The following NALF1 variants were observed in gnomAD, a reference collection of about 807,000 sequenced individuals.
The protein encoded by NALF1 is NALCN channel auxiliary factor 1.
Under a neutral mutation model 48.4 loss-of-function variants are expected in NALF1, and 3 were observed. The observed-to-expected ratio is 0.06, with a 90% CI of 0.03 to 0.16. The LOEUF (loss-of-function observed/expected upper bound fraction) is 0.16. NALF1 is among the 10% of genes least tolerant of loss of function. The probability of loss-of-function intolerance (pLI) is 1.00; values close to 1 mark genes in which losing one functional copy is unlikely to be tolerated. For synonymous variants in NALF1, 262 were observed against 245.7 expected, an observed-to-expected ratio of 1.07 and a Z score of -0.62; for missense variants, 526 against 571.5, an observed-to-expected ratio of 0.92 and a Z score of 0.81.
At chr13:107,705,216 A>C (rs1881917906) in intron 1 of NALF1, among the ~76,000 whole-genome samples, 1 of 152,210 alleles carries the variant, frequency 6.6e-6, no homozygotes, top group Non-Finnish European at 1.5e-5. Flanking sequence ...GCTTTGTCCA[A>C]CGAAGAAGTT....
chr13:107,826,261 G>C (rs1310621862), intron 1 of NALF1, among the ~76,000 whole-genome samples: 1 of 152,118 alleles, frequency 6.6e-6, no homozygotes, highest in African/African-American at 2.4e-5. Flanking sequence ...CTGTGTAGGT[G>C]CCAGAACATA....
At position 107,866,920 on chromosome 13, in the gene NALF1, G is replaced by T. The variant is rs914423729; in HGVS notation, c.-324C>A. On this transcript the variant is annotated 5_prime_UTR_variant, in exon 1 of 3. Coordinates refer to ENST00000375915, the MANE Select transcript of NALF1 (RefSeq NM_001080396.3). The surrounding 1 kb of genome is among the most constrained non-coding windows in gnomAD (Gnocchi z 4.4). ...TAATGGAGAGAGAGAGAGAGAGAGA[G>T]ACGGAGGAGGCTGGTGCTGGTGGCC... Among the ~76,000 whole-genome samples, 1 of 149,494 alleles carries T rather than the reference G, an allele frequency of 6.7e-6. No individual in the cohort carries two copies. The highest frequency in any genetic ancestry group is 2.4e-5 in the African/African-American group (1 of 41,136).
chr13:107,200,145 C>A (rs1594066564), intron 2 of NALF1, among the ~76,000 whole-genome samples: 1 of 152,184 alleles, frequency 6.6e-6, no homozygotes, highest in African/African-American at 2.4e-5. Flanking sequence ...TAAAATGCAG[C>A]CCAGTGAGCA....
intron 1 of NALF1, among the ~76,000 whole-genome samples, chr13:107,678,360 A>G (rs1465064449): frequency 6.6e-6 from 1 of 152,130 alleles, no homozygotes; most frequent in Non-Finnish European, 1.5e-5. Flanking sequence ...AAAATCTAGA[A>G]TGACCTACTC....
At chr13:107,848,402 G>A (rs1042624797) in intron 1 of NALF1, among the ~76,000 whole-genome samples, 5 of 152,182 alleles carry the variant, frequency 3.3e-5, no homozygotes, top group African/African-American at 1.2e-4. Flanking sequence ...TCAATTTCAA[G>A]AGGAATAGTT....
chr13:107,757,239 A>G (rs559478705), intron 1 of NALF1, among the ~76,000 whole-genome samples: 4 of 152,280 alleles, frequency 2.6e-5, no homozygotes, highest in East Asian at 3.9e-4. Flanking sequence ...TCAACTCCAT[A>G]TTAACATAAG....
chr13:107,496,829 G>A (rs1293860237), intron 1 of NALF1, among the ~76,000 whole-genome samples: 3 of 152,104 alleles, frequency 2.0e-5, no homozygotes, highest in Non-Finnish European at 2.9e-5. Flanking sequence ...GAAACACCAC[G>A]TTATAAAGTC....
intron 1 of NALF1, among the ~76,000 whole-genome samples, chr13:107,422,621 G>A (rs574352633): frequency 1.3e-5 from 2 of 152,204 alleles, no homozygotes; most frequent in African/African-American, 4.8e-5. Context: ...CAGAGTAATG[G>A]CTCCCCGCAA....
intron 1 of NALF1, among the ~76,000 whole-genome samples, chr13:107,234,549 G>A (rs1484775041): frequency 6.6e-6 from 1 of 152,070 alleles, no homozygotes; most frequent in African/African-American, 2.4e-5. Context: ...CTGTCAGCCG[G>A]CCCTGAGCTC....
intron 1 of NALF1, among the ~76,000 whole-genome samples, chr13:107,643,040 G>T (rs1880203545): frequency 6.6e-6 from 1 of 151,982 alleles, no homozygotes; most frequent in Non-Finnish European, 1.5e-5. Context: ...CTGACTGTTG[G>T]CTGAAGAGCA....
At chr13:107,520,191 A>G (rs778946285) in intron 1 of NALF1, among the ~76,000 whole-genome samples, 11 of 152,184 alleles carry the variant, frequency 7.2e-5, no homozygotes, top group Non-Finnish European at 1.3e-4. Context: ...ATTGTTTTCT[A>G]TATGTATAAG....
intron 1 of NALF1, among the ~76,000 whole-genome samples, chr13:107,389,981 AG>A (rs1392505550): frequency 6.6e-6 from 1 of 152,182 alleles, no homozygotes; most frequent in Non-Finnish European, 1.5e-5. Context: ...TAAAACTTCT[AG>A]GTTTGATTTC....
intron 1 of NALF1, among the ~76,000 whole-genome samples, chr13:107,659,051 CT>C (rs1312075548): frequency 1.3e-5 from 2 of 151,382 alleles, no homozygotes; most frequent in South Asian, 4.2e-4. Context: ...TGTGCATTTT[CT>C]TGTTAAGTAT....
chr13:107,484,195 T>A (rs914121699), intron 1 of NALF1, among the ~76,000 whole-genome samples: 1 of 152,134 alleles, frequency 6.6e-6, no homozygotes, highest in Non-Finnish European at 1.5e-5. Flanking sequence ...ATAAAAAATA[T>A]GCCCAATATT....
In NALF1 at chr13:107,210,069, G is replaced by GACACAC. The variant is rs34075188; in HGVS notation, c.1087+509_1087+514dup. On this transcript the variant is annotated intron_variant, in intron 2 of 2. Coordinates refer to ENST00000375915, the MANE Select transcript of NALF1 (RefSeq NM_001080396.3). ...ATAGACTTGTTGTGTGGCTCTAATAGACACACACACACACACACGTACAAT... is the reference window on the plus strand; with the variant it reads ...ATAGACTTGTTGTGTGGCTCTAATAGACACACACACACACACACACACACGTACAAT... 9.5e-3 allele frequency among the ~76,000 whole-genome samples: 1,439 copies of GACACAC among 150,758 alleles called. 10 individuals carry two copies. Among genetic ancestry groups the GACACAC allele is most frequent in the South Asian group, 0.028 (134 of 4,798 alleles).
chr13:107,606,398 C>T lies in NALF1; in HGVS notation c.915+259284G>A, dbSNP rs558541667. ...ATATATATTTTGAGATGGAGTCTTG[C>T]TCTGTCACTGAGACTGGAGCGCAGT... On this transcript the variant is annotated intron_variant, in intron 1 of 2. Transcript: ENST00000375915. Among the ~76,000 whole-genome samples, 10 of 148,286 alleles carry T rather than the reference C, an allele frequency of 6.7e-5. 1 individual carries two copies. In the South Asian group the frequency reaches 2.2e-3, roughly 33 times the overall value.
At chr13:107,819,571 C>G (rs773678543) in intron 1 of NALF1, among the ~76,000 whole-genome samples, 1 of 152,152 alleles carries the variant, frequency 6.6e-6, no homozygotes, top group Non-Finnish European at 1.5e-5. Context: ...AAATATTAAT[C>G]ACTTCCCATT....
intron 1 of NALF1, among the ~76,000 whole-genome samples, chr13:107,795,677 A>G: frequency 6.6e-6 from 1 of 152,160 alleles, no homozygotes; most frequent in Non-Finnish European, 1.5e-5. Flanking sequence ...ATTATCCTTA[A>G]TAATACTATA....
chr13:107,202,641 A>T (rs190869219), intron 2 of NALF1, among the ~76,000 whole-genome samples: 1 of 152,296 alleles, frequency 6.6e-6, no homozygotes, highest in East Asian at 1.9e-4. Flanking sequence ...AACCAGAAAA[A>T]TGTCTATGTT....
Sources: allele counts gnomAD v4.1 joint callset (sites outside exome capture counted in the v4.1 genomes callset), GRCh38; gene constraint gnomAD v4.1.1; non-coding constraint Gnocchi (gnomAD v3.1); transcripts MANE v1.5; gene names NCBI Gene and HGNC (gene_info 2026-07-23, HGNC 2026-07-21).